Variants in DPP10 observed in about 807,000 individuals in gnomAD.
DPP10 encodes dipeptidyl peptidase like 10.
Under a neutral mutation model 120.9 loss-of-function variants are expected in DPP10, and 33 were observed. The ratio of observed to expected loss-of-function variants is 0.27; its 90% CI spans 0.21 to 0.37. DPP10 has a LOEUF of 0.37. Among genes scored for constraint, DPP10 ranks in the 10% least tolerant of loss-of-function variants. DPP10 has a pLI of 1.00. For synonymous variants in DPP10, 337 were observed against 326.1 expected (o/e 1.03, Z -0.36); for missense variants, 816 against 942.8 (o/e 0.87, Z 1.76).
intron 1 of DPP10, among the ~76,000 whole-genome samples, chr2:114,898,762 G>A (rs1200980517): frequency 9.2e-5 from 14 of 152,078 alleles, no homozygotes; most frequent in Admixed American, 8.5e-4. Flanking sequence ...CAAAGATATC[G>A]TGTTGCTTTT....
At chr2:114,849,561 C>T (rs1228050314) in intron 1 of DPP10, among the ~76,000 whole-genome samples, 2 of 152,114 alleles carry the variant, frequency 1.3e-5, no homozygotes, top group African/African-American at 4.8e-5. Context: ...TGCTCTTGAA[C>T]TCCTGACCAG....
intron 1 of DPP10, among the ~76,000 whole-genome samples, chr2:115,256,043 G>A (rs1469685731): frequency 6.6e-6 from 1 of 152,130 alleles, no homozygotes; most frequent in Non-Finnish European, 1.5e-5. Flanking sequence ...ATTTACTATA[G>A]TAGTTTGTTC....
chr2:115,396,742 G>A (rs1246298659), intron 3 of DPP10, among the ~76,000 whole-genome samples: 6 of 152,222 alleles, frequency 3.9e-5, no homozygotes, highest in African/African-American at 4.8e-5. Flanking sequence ...ATTAGCTTTC[G>A]TTGCTGCAGT....
At chr2:115,489,887 TTACCATC>T (rs1461659604) in intron 3 of DPP10, among the ~76,000 whole-genome samples, 3 of 152,082 alleles carry the variant, frequency 2.0e-5, no homozygotes, top group Admixed American at 1.3e-4. Flanking sequence ...AAAGAGACAT[TTACCATC>T]TATTCTCTCT....
At chr2:115,472,769 CT>C (rs1360387992) in intron 3 of DPP10, among the ~76,000 whole-genome samples, 1 of 152,132 alleles carries the variant, frequency 6.6e-6, no homozygotes, top group African/African-American at 2.4e-5. Context: ...ACAATAAATG[CT>C]TATGGAATTT....
At chr2:115,130,493 C>CATCT (rs1382331297) in intron 1 of DPP10, among the ~76,000 whole-genome samples, 2 of 143,090 alleles carry the variant, frequency 1.4e-5, no homozygotes, top group Non-Finnish European at 3.0e-5. Context: ...TGCATCCATC[C>CATCT]ATCCATCTAT....
chr2:114,964,838 C>T (rs1446255719), intron 1 of DPP10, among the ~76,000 whole-genome samples: 1 of 152,002 alleles, frequency 6.6e-6, no homozygotes, highest in Admixed American at 6.6e-5. Flanking sequence ...AGAAGAGAAC[C>T]GATGGTTAAA....
At chr2:115,016,044 C>A (rs1240475866) in intron 1 of DPP10, among the ~76,000 whole-genome samples, 2 of 152,130 alleles carry the variant, frequency 1.3e-5, no homozygotes, top group African/African-American at 2.4e-5. Context: ...ATAGCCAAGA[C>A]AATCCTAAGC....
At chr2:115,755,941 T>TGC (rs147165811) in intron 11 of DPP10, among the ~76,000 whole-genome samples, 2 of 119,282 alleles carry the variant, frequency 1.7e-5, no homozygotes, top group African/African-American at 5.0e-5. Context: ...AGTGTGTGTG[T>TGC]GTGTATATAT....
chr2:115,715,360 A>AAAAG lies in DPP10; in HGVS notation c.577-12448_577-12445dup, dbSNP rs1553486734. ...GTCTCAAAAAAAAAAAAAAAAAAAA[A>AAAAG]AAAGAAAGAAAAGAAAAAGAAAAAT... On this transcript the variant is annotated intron_variant, in intron 7 of 25. Transcript: ENST00000410059. Among the ~76,000 whole-genome samples the AAAAG allele has an allele frequency of 5.1e-3, 689 of 135,350 alleles. 22 individuals carry two copies. The highest frequency in any genetic ancestry group is 7.4e-3 in the South Asian group (30 of 4,044). The allele number at this position is 135,350 out of a possible 152,430, so 88.8% of individuals were successfully genotyped here.
intron 1 of DPP10, among the ~76,000 whole-genome samples, chr2:114,521,072 T>G (rs1030704408): frequency 1.3e-5 from 2 of 151,744 alleles, no homozygotes; most frequent in Non-Finnish European, 2.9e-5. Flanking sequence ...TAAAGGGACA[T>G]GGGAAACAAA....
intron 19 of DPP10, among the ~76,000 whole-genome samples, chr2:115,798,895 A>C (rs1445132496): frequency 1.3e-5 from 2 of 152,180 alleles, no homozygotes; most frequent in African/African-American, 4.8e-5. Flanking sequence ...TCAAAATTAT[A>C]AACCTGATCT....
intron 1 of DPP10, among the ~76,000 whole-genome samples, chr2:114,446,478 C>G (rs1677951931): frequency 6.6e-6 from 1 of 152,112 alleles, no homozygotes; most frequent in Non-Finnish European, 1.5e-5. Context: ...ATACAGTACA[C>G]AATATTTCTT....
intron 5 of DPP10, among the ~76,000 whole-genome samples, chr2:115,678,218 AT>A (rs1418958568): frequency 1.3e-5 from 2 of 152,222 alleles, no homozygotes. Context: ...AATGGGGAAA[AT>A]GTCTTTAGGC....
intron 1 of DPP10, among the ~76,000 whole-genome samples, chr2:114,466,671 C>T (rs1679407087): frequency 6.6e-6 from 1 of 152,192 alleles, no homozygotes; most frequent in Admixed American, 6.5e-5. Context: ...GGTGCTGGCA[C>T]TAAGCACCAG....
At chr2:115,049,945 G>C (rs1004010774) in intron 1 of DPP10, among the ~76,000 whole-genome samples, 4 of 152,148 alleles carry the variant, frequency 2.6e-5, no homozygotes, top group Non-Finnish European at 5.9e-5. Flanking sequence ...AATAAATGAA[G>C]ATTGGCTCAC....
chr2:114,697,086 C>T (rs532619007), intron 1 of DPP10, among the ~76,000 whole-genome samples: 10 of 152,088 alleles, frequency 6.6e-5, no homozygotes, highest in African/African-American at 2.4e-4. Context: ...GATAGTGTAC[C>T]TCCCGAGATA....
chr2:114,698,584 A>G (rs1418898983), intron 1 of DPP10, among the ~76,000 whole-genome samples: 1 of 152,154 alleles, frequency 6.6e-6, no homozygotes, highest in Admixed American at 6.5e-5. Flanking sequence ...AGAACACGTG[A>G]GATCAGGGAG....
rs577560539 is a variant in DPP10, at chr2:115,735,365, A to T, written c.698-4374A>T. 5.3e-5 allele frequency among the ~76,000 whole-genome samples: 8 copies of T among 152,154 alleles called. No individual in the cohort carries two copies. In the East Asian group the frequency reaches 1.5e-3, roughly 29 times the overall value. On this transcript the variant is annotated intron_variant, in intron 8 of 25. Transcript: ENST00000410059. ...ATGCCCCCATTAATAATAATAATAA[A>T]AACTTATTATGTGATCTTAGTTAGT...
Sources: gnomAD v4.1 joint callset for allele counts (sites outside exome capture counted in the v4.1 genomes callset) on GRCh38, gnomAD v4.1.1 for gene constraint, MANE v1.5 for transcripts, NCBI Gene and HGNC (gene_info 2026-07-23, HGNC 2026-07-21) for gene names.